The following VSTM4 variants were observed in gnomAD, a reference collection of about 807,000 sequenced individuals.
VSTM4 encodes V-set and transmembrane domain-containing protein 4.
A neutral mutation model predicts 36.4 loss-of-function variants in VSTM4; 20 were observed. That is an observed-to-expected ratio of 0.55 (90% CI 0.39 to 0.80). VSTM4 has a LOEUF of 0.80. VSTM4 is among the 30% of genes least tolerant of loss of function. The probability of loss-of-function intolerance (pLI) is 0.00; values close to 1 mark genes in which losing one functional copy is unlikely to be tolerated. For synonymous variants in VSTM4, 182 were observed against 173.9 expected (o/e 1.05, Z -0.37); for missense variants, 392 against 404.5 (o/e 0.97, Z 0.26).
chr10:49,055,580 G>A (rs1171091241), intron 5 of VSTM4, among the ~76,000 whole-genome samples: 1 of 152,202 alleles, frequency 6.6e-6, no homozygotes, highest in Non-Finnish European at 1.5e-5. Flanking sequence ...ATTGATAAAG[G>A]CCAAGAACTC....
intron 3 of VSTM4, among the ~76,000 whole-genome samples, chr10:49,085,213 C>T (rs12261297): frequency 0.39 from 58,994 of 152,190 alleles, 13,034 homozygotes; most frequent in African/African-American, 0.61. Flanking sequence ...CATATGCTGC[C>T]GGTCTGCAAT....
At chr10:49,025,144 C>T (rs1843238594) in intron 7 of VSTM4, among the ~76,000 whole-genome samples, 1 of 152,046 alleles carries the variant, frequency 6.6e-6, no homozygotes, top group South Asian at 2.1e-4. Flanking sequence ...ACCTTGAGCT[C>T]AGACTTCCGG....
chr10:49,070,657 A>G (rs184650549), intron 4 of VSTM4, among the ~76,000 whole-genome samples: 1 of 152,334 alleles, frequency 6.6e-6, no homozygotes, highest in East Asian at 1.9e-4. Flanking sequence ...AATGTTAGAG[A>G]AGAGTCAGGA....
intron 5 of VSTM4, among the ~76,000 whole-genome samples, chr10:49,057,279 C>A (rs1276907947): frequency 6.6e-6 from 1 of 152,172 alleles, no homozygotes; most frequent in East Asian, 1.9e-4. Flanking sequence ...TAATCATTGG[C>A]AGTTTCATCC....
intron 2 of VSTM4, among the ~76,000 whole-genome samples, chr10:49,100,211 G>A (rs1012730941): frequency 6.6e-6 from 1 of 152,134 alleles, no homozygotes; most frequent in Non-Finnish European, 1.5e-5. Context: ...GGGCTAGATG[G>A]AAGATGTGGT....
At chr10:49,095,257 C>A (rs1844548686) in intron 2 of VSTM4, among the ~76,000 whole-genome samples, 1 of 152,112 alleles carries the variant, frequency 6.6e-6, no homozygotes, top group Admixed American at 6.5e-5. Flanking sequence ...GGCTATATAT[C>A]CACTTGCTAC....
chr10:49,062,073 C>T (rs534437619), intron 5 of VSTM4, among the ~76,000 whole-genome samples: 10 of 152,306 alleles, frequency 6.6e-5, no homozygotes, highest in African/African-American at 1.7e-4. Context: ...TGACTTTACA[C>T]GGTCTATTGG....
In VSTM4 at chr10:49,016,691, G is replaced by C. The variant is rs935708075; in HGVS notation, c.*2959C>G. The C allele has an allele frequency of 6.6e-6, 1 of 152,236 alleles. No homozygotes were observed. Among genetic ancestry groups the C allele is most frequent in the Non-Finnish European group, 1.5e-5 (1 of 68,046 alleles). The allele number at this position is 152,236 out of a possible 1,614,324, so 9.4% of individuals were successfully genotyped here. A position where few individuals can be genotyped will look rare whatever the true frequency, so the allele number is the denominator to read the frequency against. On this transcript the variant is annotated 3_prime_UTR_variant, in exon 8 of 8. Transcript: ENST00000332853. The stretch of plus-strand genomic sequence containing the variant: ...GTCTTCACTCTCACAAGAGTCAAGA[G>C]GTGGGAGGCCTGGCTTTTCCTTATT...
chr10:49,062,151 T>C (rs1373659162), intron 5 of VSTM4, among the ~76,000 whole-genome samples: 1 of 152,238 alleles, frequency 6.6e-6, no homozygotes, highest in African/African-American at 2.4e-5. Flanking sequence ...CACTCACTTT[T>C]AAACAGTGTT....
intron 5 of VSTM4, among the ~76,000 whole-genome samples, chr10:49,055,966 A>G (rs999439259): frequency 6.6e-6 from 1 of 152,270 alleles, no homozygotes; most frequent in African/African-American, 2.4e-5. Flanking sequence ...AACCCAAGTG[A>G]GTGCCTATGC....
In VSTM4 at chr10:49,015,311, C is replaced by T. The variant is rs1486214181; in HGVS notation, c.*4339G>A. On this transcript the variant is annotated 3_prime_UTR_variant, in exon 8 of 8. Coordinates refer to ENST00000332853, the MANE Select transcript of VSTM4 (RefSeq NM_001031746.5). ...TAATTTTTTGTATTTTTAGTAGAGA[C>T]AGGGTTTCACCGTGTTAGCCAGGAT... 1 of 152,182 alleles carries T rather than the reference C, an allele frequency of 6.6e-6. No individual in the cohort carries two copies. Among genetic ancestry groups the T allele is most frequent in the African/African-American group, 2.4e-5 (1 of 41,496 alleles). The allele number at this position is 152,182 out of a possible 1,614,324, so 9.4% of individuals were successfully genotyped here.
chr10:49,097,631 A>G (rs1346668202), intron 2 of VSTM4, among the ~76,000 whole-genome samples: 1 of 152,192 alleles, frequency 6.6e-6, no homozygotes, highest in Non-Finnish European at 1.5e-5. Flanking sequence ...CAGGACAGAC[A>G]TGGGTGGACA....
At chr10:49,070,412 TAA>T (rs59034459) in intron 4 of VSTM4, among the ~76,000 whole-genome samples, 13 of 149,426 alleles carry the variant, frequency 8.7e-5, no homozygotes, top group African/African-American at 2.9e-4. Flanking sequence ...ATGTGACTAC[TAA>T]AAAAAAAAAT....
intron 7 of VSTM4, among the ~76,000 whole-genome samples, chr10:49,025,842 T>G (rs563010396): frequency 1.3e-5 from 2 of 152,306 alleles, no homozygotes; most frequent in South Asian, 4.1e-4. Flanking sequence ...AGGCTGTGAG[T>G]GCCAAGGGTC....
At chr10:49,091,461 C>T (rs1413401177) in intron 2 of VSTM4, among the ~76,000 whole-genome samples, 1 of 152,230 alleles carries the variant, frequency 6.6e-6, no homozygotes, top group Admixed American at 6.5e-5. Flanking sequence ...CTATCAACTG[C>T]ATGTCTAGAG....
intron 3 of VSTM4, among the ~76,000 whole-genome samples, chr10:49,085,489 A>G (rs1350291571): frequency 2.0e-5 from 3 of 152,226 alleles, no homozygotes; most frequent in Non-Finnish European, 4.4e-5. Flanking sequence ...TCATTTTTAT[A>G]TCACTTGAAG....
At chr10:49,095,128 T>C (rs1844546858) in intron 2 of VSTM4, among the ~76,000 whole-genome samples, 1 of 152,044 alleles carries the variant, frequency 6.6e-6, no homozygotes, top group Non-Finnish European at 1.5e-5. Context: ...AAGTCCACAT[T>C]CTGAAAGTGA....
chr10:49,055,644 C>T (rs1590091164), intron 5 of VSTM4, among the ~76,000 whole-genome samples: 1 of 152,226 alleles, frequency 6.6e-6, no homozygotes, highest in African/African-American at 2.4e-5. Flanking sequence ...TGAACTTGCT[C>T]CAGCAGCTTT....
rs186418088 is a variant in VSTM4 at position 49,026,735 on chromosome 10, T to A, written c.838-6960A>T. On this transcript the variant is annotated intron_variant, in intron 7 of 7. Transcript: ENST00000332853. ...ACAGGGGCAGGGCTGGGCCAGAAGA[T>A]TTATTCCCTCACAGCAGAGGAACCC... Among the ~76,000 whole-genome samples the A allele has an allele frequency of 7.9e-4, 120 of 152,206 alleles. 1 individual carries two copies. The highest frequency in any genetic ancestry group is 2.7e-3 in the African/African-American group (113 of 41,514).
Sources: allele counts gnomAD v4.1 joint callset (sites outside exome capture counted in the v4.1 genomes callset), GRCh38; gene constraint gnomAD v4.1.1; transcripts MANE v1.5; gene names NCBI Gene and HGNC (gene_info 2026-07-23, HGNC 2026-07-21).